LRIF1: variants seen among roughly 807,000 people sequenced by gnomAD.
LRIF1 encodes ligand-dependent nuclear receptor-interacting factor 1.
Under a neutral mutation model 52.7 loss-of-function variants are expected in LRIF1, and 32 were observed. The observed-to-expected ratio is 0.61, with a 90% CI of 0.46 to 0.82. LRIF1 has a LOEUF of 0.82. LRIF1 is among the 40% of genes least tolerant of loss of function. The pLI is 0.00. For synonymous variants in LRIF1, 323 were observed against 317.4 expected (o/e 1.02, Z -0.19); for missense variants, 887 against 892.0 (o/e 0.99, Z 0.07).
chr1:110,941,718 CATTT>C, the LRIF1 span: 1 of 151,916 alleles, frequency 6.6e-6, no homozygotes, highest in East Asian at 1.9e-4. Context: ...TTGGTTTTAT[CATTT>C]ATTTATTTGG....
At chr1:110,890,409 A>C in the LRIF1 span, among the ~76,000 whole-genome samples, 1 of 152,088 alleles carries the variant, frequency 6.6e-6, no homozygotes, top group Admixed American at 6.6e-5. Context: ...TCTACTAAAA[A>C]TACAAAAATT....
At chr1:110,897,816 A>G in the LRIF1 span, 1 of 1,602,396 alleles carries the variant, frequency 6.2e-7, no homozygotes, top group Non-Finnish European at 8.5e-7. Context: ...TAGGGTTGCT[A>G]TGCGAAAGCA....
the LRIF1 span, among the ~76,000 whole-genome samples, chr1:110,918,204 G>C: frequency 3.3e-5 from 5 of 152,134 alleles, no homozygotes; most frequent in Non-Finnish European, 7.4e-5. Context: ...CTTGCTTAAT[G>C]ATGAGGTGCC....
rs774163210 is a variant in LRIF1, at chr1:110,948,274, G to A, written c.1995C>T (p.Leu665=). The A allele has an allele frequency of 3.7e-6, 6 of 1,613,990 alleles. No individual in the cohort carries two copies. Among genetic ancestry groups the A allele is most frequent in the Non-Finnish European group, 5.1e-6 (6 of 1,180,016 alleles). Residue 665 remains leucine (L), a synonymous_variant, in exon 4 of 4, where the codon CTC becomes CTT. Transcript: ENST00000369763. ...CTGAAGTTGGTAAAATACTGCTTAG[G>A]AGTTGGGAACCGGTGACATTAGCTT... ...NGEANVTGSQ[L]LSSILPTSDV...
At chr1:110,892,344 G>C in the LRIF1 span, 6 of 1,613,280 alleles carry the variant, frequency 3.7e-6, no homozygotes, top group Non-Finnish European at 4.2e-6. Flanking sequence ...CTTCCTTTCA[G>C]ATCTGTGGCT....
chr1:110,899,973 C>T, the LRIF1 span: 1 of 152,642 alleles, frequency 6.6e-6, no homozygotes, highest in African/African-American at 2.4e-5. Context: ...AGCCTGATTA[C>T]CCTGATTAAT....
chr1:110,918,237 G>A, the LRIF1 span, among the ~76,000 whole-genome samples: 5 of 152,058 alleles, frequency 3.3e-5, no homozygotes, highest in African/African-American at 9.7e-5. Context: ...TGAGACTGAT[G>A]TCAAGATAAG....
the LRIF1 span, among the ~76,000 whole-genome samples, chr1:110,893,093 C>T: frequency 2.6e-5 from 4 of 152,192 alleles, no homozygotes. Context: ...CTATCAGGTA[C>T]TATCCTGAGG....
chr1:110,902,495 TAAA>T, the LRIF1 span, among the ~76,000 whole-genome samples: 13 of 72,650 alleles, frequency 1.8e-4, no homozygotes, highest in South Asian at 5.3e-4. Flanking sequence ...AATCAATCAC[TAAA>T]AAAAAAAAAA....
At chr1:110,957,837 G>A (rs1013291846) in intron 1 of LRIF1, among the ~76,000 whole-genome samples, 1 of 152,036 alleles carries the variant, frequency 6.6e-6, no homozygotes, top group East Asian at 1.9e-4. Context: ...CTTACAAAAG[G>A]CAAACATTTA....
At chr1:110,902,575 T>C in the LRIF1 span, among the ~76,000 whole-genome samples, 1 of 149,960 alleles carries the variant, frequency 6.7e-6, no homozygotes, top group Non-Finnish European at 1.5e-5. Context: ...AGAATAAATT[T>C]CAGGCATTAA....
At position 110,963,692 on chromosome 1, in the gene LRIF1, A is replaced by G; in HGVS notation, c.-4T>C. ...CCCTCCGTAGGTTATTTGACATTTT[A>G]GTGGGGAGAAAGGGGACACCTCATC... On this transcript the variant is annotated 5_prime_UTR_variant, in exon 1 of 4. An upstream open reading frame in the 5' UTR loses its in-frame stop. Transcript: ENST00000369763. 6.2e-7 allele frequency: 1 copy of G among 1,603,314 alleles called. No homozygotes were observed. Among genetic ancestry groups the G allele is most frequent in the Non-Finnish European group, 8.5e-7 (1 of 1,172,074 alleles).
At chr1:110,903,095 A>G in the LRIF1 span, among the ~76,000 whole-genome samples, 1 of 152,212 alleles carries the variant, frequency 6.6e-6, no homozygotes, top group Non-Finnish European at 1.5e-5. Flanking sequence ...ACCAGAGGGA[A>G]ATCGCCAATT....
the LRIF1 span, among the ~76,000 whole-genome samples, chr1:110,908,214 T>A: frequency 1.1e-4 from 17 of 151,964 alleles, no homozygotes; most frequent in Non-Finnish European, 2.4e-4. Flanking sequence ...CTTTGGGGAG[T>A]CTGGGCATGA....
In LRIF1 at chr1:110,952,397, T is replaced by C. The variant is rs745424744; in HGVS notation, c.487A>G (p.Ile163Val). 5 of 1,613,524 alleles carry C rather than the reference T, an allele frequency of 3.1e-6. No individual in the cohort carries two copies. The highest frequency in any genetic ancestry group is 3.3e-5 in the Admixed American group (2 of 59,994). The part of the protein sequence containing the change: ...PPSTQKDSSF[I>V]VVNTQSLPVT... ...GGAAGACTCTGGGTATTAACTACAA[T>C]AAAAGATGAGTCTTTTTGTGTTGAG... is the stretch of plus-strand genomic sequence containing the variant. The change falls in exon 2 of 4, where the codon ATT becomes GTT. Residue 163 changes from isoleucine to valine, a missense_variant. Physicochemically the swap from Ile to Val is conservative, Grantham distance 29 (BLOSUM62 3). Transcript: ENST00000369763.
intron 1 of LRIF1, 92 bp from the exon 2 acceptor site, chr1:110,952,907 AAAAT>A: frequency 2.8e-6 from 2 of 712,460 alleles, no homozygotes; most frequent in Non-Finnish European, 3.9e-6. Context: ...TGTAAATATT[AAAAT>A]AAAGTATATA....
chr1:110,918,279 C>G, the LRIF1 span, among the ~76,000 whole-genome samples: 1 of 151,758 alleles, frequency 6.6e-6, no homozygotes, highest in Admixed American at 6.6e-5. Context: ...TCAGCACTGT[C>G]CTGAAGATCA....
At position 110,951,764 on chromosome 1, in the gene LRIF1, C is replaced by T. The variant is rs1216678684; in HGVS notation, c.1120G>A (p.Val374Ile). The change falls in exon 2 of 4, where the codon GTT becomes ATT. Residue 374 changes from valine (V) to isoleucine (I), a missense_variant. By Grantham distance (29) the Val-to-Ile change is conservative. Transcript: ENST00000369763. ...TGTTGGTCAATTTGTGATGGCAGAA[C>T]ATCTGTCCCCTTTTTAGCCAACAGA... is the stretch of plus-strand genomic sequence containing the variant. The part of the protein sequence containing the change: ...VYLLAKKGTD[V>I]LPSQIDQQNS... The T allele has an allele frequency of 1.9e-6, 3 of 1,613,060 alleles. No individual in the cohort carries two copies. Among genetic ancestry groups the T allele is most frequent in the African/African-American group, 1.3e-5 (1 of 75,044 alleles).
chr1:110,917,985 T>C, the LRIF1 span, among the ~76,000 whole-genome samples: 1 of 152,210 alleles, frequency 6.6e-6, no homozygotes, highest in East Asian at 1.9e-4. Context: ...ATTTAATTCA[T>C]TGATAGATTA....
Sources: allele counts gnomAD v4.1 joint callset (sites outside exome capture counted in the v4.1 genomes callset), GRCh38; gene constraint gnomAD v4.1.1; transcripts MANE v1.5; gene names NCBI Gene and HGNC (gene_info 2026-07-23, HGNC 2026-07-21).